MGAT5: variants seen among roughly 807,000 people sequenced by gnomAD.
MGAT5 encodes the protein alpha-1,6-mannosylglycoprotein 6-beta-N-acetylglucosaminyltransferase, also known as alpha-1,6-mannosylglycoprotein 6-beta-N-acetylglucosaminyltransferase A.
A neutral mutation model predicts 94.3 loss-of-function variants in MGAT5; 30 were observed. That is an observed-to-expected ratio of 0.32 (90% confidence interval 0.24 to 0.43). The LOEUF (loss-of-function observed/expected upper bound fraction) is 0.43, where lower values mean the gene tolerates loss of function less well. Among genes scored for constraint, MGAT5 ranks in the 20% least tolerant of loss-of-function variants. The pLI, the probability that MGAT5 is intolerant of heterozygous loss-of-function variation, is 1.00. For missense variants in MGAT5, 691 were observed against 905.5 expected (o/e 0.76, Z 3.04); for synonymous variants, 310 against 322.9 (o/e 0.96, Z 0.43).
intron 1 of MGAT5, among the ~76,000 whole-genome samples, chr2:134,223,902 CTG>C (rs1034146135): frequency 4.6e-5 from 7 of 152,164 alleles, no homozygotes; most frequent in African/African-American, 1.2e-4. Flanking sequence ...GTTTAAAAAA[CTG>C]TTATTGAACT....
intron 2 of MGAT5, among the ~76,000 whole-genome samples, chr2:134,292,577 A>C (rs1450635081): frequency 6.6e-6 from 1 of 152,160 alleles, no homozygotes; most frequent in Admixed American, 6.5e-5. Flanking sequence ...ATTTTCCTTA[A>C]GGTCTTCAAC....
intron 1 of MGAT5, among the ~76,000 whole-genome samples, chr2:134,256,041 T>A (rs1438236009): frequency 6.6e-6 from 1 of 152,242 alleles, no homozygotes; most frequent in Non-Finnish European, 1.5e-5. Flanking sequence ...CTTTTCTAGT[T>A]CTTACTATGT....
At chr2:134,262,022 T>TGG (rs1487628797) in intron 1 of MGAT5, among the ~76,000 whole-genome samples, 3 of 152,206 alleles carry the variant, frequency 2.0e-5, no homozygotes, top group African/African-American at 7.2e-5. Flanking sequence ...GTGTTTCTGT[T>TGG]GGGCGGATGG....
chr2:134,237,315 A>G (rs554927116), intron 1 of MGAT5, among the ~76,000 whole-genome samples: 5 of 152,314 alleles, frequency 3.3e-5, no homozygotes, highest in African/African-American at 7.2e-5. Flanking sequence ...ACTCTCTGTC[A>G]TGGGAGGCAA....
At chr2:134,280,375 T>A (rs982506932) in intron 2 of MGAT5, among the ~76,000 whole-genome samples, 1 of 152,134 alleles carries the variant, frequency 6.6e-6, no homozygotes, top group African/African-American at 2.4e-5. Context: ...AAACCCCAAA[T>A]CTGCTTATGT....
intron 1 of MGAT5, among the ~76,000 whole-genome samples, chr2:134,126,110 C>T (rs1432016496): frequency 6.6e-6 from 1 of 152,210 alleles, no homozygotes; most frequent in Non-Finnish European, 1.5e-5. Context: ...TTTTCTGAAC[C>T]CAAGATCGCC....
Position 134,317,576 on chromosome 2 carries a change from G to T in MGAT5, c.454G>T (p.Gly152Cys). The part of the protein sequence containing the change: ...QEKCVLPPMD[G>C]YPHCEGKIKW... ...AAAATGTGTATTGCCTCCTATGGACGGCTACCCTCACTGTGAGGGAAAGAT... is the reference window on the plus strand; with the variant it reads ...AAAATGTGTATTGCCTCCTATGGACTGCTACCCTCACTGTGAGGGAAAGAT... The change falls in exon 3 of 16, where the codon GGC becomes TGC. Residue 152 changes from glycine to cysteine, a missense_variant. This residue lies in a region of MGAT5 where 307 missense variants were observed against 335.4 expected (regional missense o/e 0.92). Coordinates refer to ENST00000281923, the MANE Select transcript of MGAT5 (RefSeq NM_002410.5). 1 of 1,567,554 alleles carries T rather than the reference G, an allele frequency of 6.4e-7. No individual in the cohort carries two copies. Among genetic ancestry groups the T allele is most frequent in the Non-Finnish European group, 8.6e-7 (1 of 1,158,648 alleles).
chr2:134,284,931 C>G (rs1461062595), intron 2 of MGAT5, among the ~76,000 whole-genome samples: 1 of 152,172 alleles, frequency 6.6e-6, no homozygotes, highest in Non-Finnish European at 1.5e-5. Flanking sequence ...CCACACCTTT[C>G]TGGCCATTTG....
chr2:134,442,092 C>A (rs562716357), intron 15 of MGAT5, among the ~76,000 whole-genome samples, 177 bp downstream of exon 15: 2 of 152,096 alleles, frequency 1.3e-5, no homozygotes, highest in African/African-American at 4.8e-5. Flanking sequence ...GTGTTGTTAC[C>A]GTTCCTTTTG....
In MGAT5 at chr2:134,417,317, A is replaced by G. The variant is rs145445827; in HGVS notation, c.1677+4302A>G. Among the ~76,000 whole-genome samples the G allele has an allele frequency of 3.3e-3, 496 of 152,252 alleles. 4 individuals carry two copies. Among genetic ancestry groups the G allele is most frequent in the African/African-American group, 0.012 (482 of 41,546 alleles). On this transcript the variant is annotated intron_variant, in intron 12 of 15. Coordinates refer to ENST00000281923, the MANE Select transcript of MGAT5 (RefSeq NM_002410.5). Reference sequence around the variant, plus strand: ...AAACCAAGAAATTAACATTGGTACCATAGTATTATCTAAACTACAGACTTT... The same window carrying G: ...AAACCAAGAAATTAACATTGGTACCGTAGTATTATCTAAACTACAGACTTT...
chr2:134,201,257 T>C (rs904944424), intron 1 of MGAT5, among the ~76,000 whole-genome samples: 13 of 152,092 alleles, frequency 8.5e-5, no homozygotes, highest in Non-Finnish European at 1.9e-4. Context: ...TAGTCGAGTG[T>C]TAAATAAGGC....
chr2:134,224,851 G>A (rs1224384591), intron 1 of MGAT5, among the ~76,000 whole-genome samples: 1 of 152,058 alleles, frequency 6.6e-6, no homozygotes, highest in African/African-American at 2.4e-5. Context: ...GGCCAAGGTG[G>A]GAGGATCACT....
Position 134,297,939 on chromosome 2 carries a change from G to T in MGAT5, c.407-19590G>T, listed in dbSNP as rs77460873. On this transcript the variant is annotated intron_variant, in intron 2 of 15. Transcript: ENST00000281923. ...TAAAAATTGAGGAAAACAAATATAG[G>T]TTAAAAAAATAAGTCTACTAGATCC... Among the ~76,000 whole-genome samples the T allele has an allele frequency of 2.3e-3, 352 of 151,836 alleles. 5 individuals carry two copies. The highest frequency in any genetic ancestry group is 0.017 in the East Asian group (87 of 5,170).
At chr2:134,271,712 CCAAA>C (rs1573665994) in intron 2 of MGAT5, among the ~76,000 whole-genome samples, 2 of 152,276 alleles carry the variant, frequency 1.3e-5, no homozygotes, top group South Asian at 4.1e-4. Context: ...AAGTATTCAA[CCAAA>C]CAAAGGTATT....
chr2:134,380,143 T>TA (rs1259678836), intron 10 of MGAT5, among the ~76,000 whole-genome samples: 1 of 152,138 alleles, frequency 6.6e-6, no homozygotes, highest in Non-Finnish European at 1.5e-5. Context: ...TGTTCAGACT[T>TA]AGAGATTTTT....
At chr2:134,417,409 A>G (rs764206068) in intron 12 of MGAT5, among the ~76,000 whole-genome samples, 49 of 151,354 alleles carry the variant, frequency 3.2e-4, no homozygotes, top group Non-Finnish European at 7.4e-5. Context: ...CTGGACCCAC[A>G]TTGCATTTAA....
chr2:134,180,457 C>T (rs1688680198), intron 1 of MGAT5, among the ~76,000 whole-genome samples: 1 of 152,094 alleles, frequency 6.6e-6, no homozygotes, highest in African/African-American at 2.4e-5. Context: ...GGTGTAAAAC[C>T]ATGTATTTCA....
intron 14 of MGAT5, among the ~76,000 whole-genome samples, chr2:134,440,482 GTGAGTGGGGGTGCGCATGAA>G: frequency 6.6e-6 from 1 of 152,174 alleles, no homozygotes; most frequent in East Asian, 1.9e-4. Flanking sequence ...CCCAGCATGA[GTGAGTGGGGGTGCGCATGAA>G]TGCACCCCGC....
chr2:134,317,609 A>C lies in MGAT5; in HGVS notation c.483+4A>C, dbSNP rs1687070087. 1.0e-5 allele frequency: 16 copies of C among 1,542,582 alleles called. No individual in the cohort carries two copies. The highest frequency in any genetic ancestry group is 1.4e-5 in the Non-Finnish European group (16 of 1,146,956). Reference sequence around the variant, plus strand: ...TCACTGTGAGGGAAAGATCAAGGTAAGGCAGAGGCAAGCATCATCCCCAAT... The same window carrying C: ...TCACTGTGAGGGAAAGATCAAGGTACGGCAGAGGCAAGCATCATCCCCAAT... On this transcript the variant is annotated splice_donor_region_variant and intron_variant, in intron 3 of 15. Coordinates refer to ENST00000281923, the MANE Select transcript of MGAT5 (RefSeq NM_002410.5).
Sources: gnomAD v4.1 joint callset for allele counts (sites outside exome capture counted in the v4.1 genomes callset) on GRCh38, gnomAD v4.1.1 for gene constraint, gnomAD v4.1.1 regional missense constraint, MANE v1.5 for transcripts, NCBI Gene and HGNC (gene_info 2026-07-23, HGNC 2026-07-21) for gene names.